MTDH: variants seen among roughly 807,000 people sequenced by gnomAD.
MTDH encodes metadherin, also known as protein LYRIC.
MTDH carries 34 observed loss-of-function variants against 72.7 expected under a neutral mutation model. The ratio of observed to expected loss-of-function variants is 0.47; its 90% CI spans 0.36 to 0.62. The LOEUF is 0.62. MTDH is among the 20% of genes least tolerant of loss of function. MTDH has a pLI of 0.00. For synonymous variants in MTDH, 266 were observed against 268.9 expected (o/e 0.99, Z 0.10); for missense variants, 677 against 699.4 (o/e 0.97, Z 0.36).
chr8:97,694,347 G>A (rs1399547409), intron 6 of MTDH, among the ~76,000 whole-genome samples: 4 of 151,902 alleles, frequency 2.6e-5, no homozygotes, highest in African/African-American at 9.7e-5. Context: ...ACAGGCGTGC[G>A]CCACCACGCC....
rs1045444 is a variant in MTDH at position 97,729,477 on chromosome 8, T to C, written c.*4807T>C. Among the ~76,000 whole-genome samples the C allele has an allele frequency of 0.41, 62,328 of 151,944 alleles. 13,710 individuals carry two copies. Among genetic ancestry groups the C allele is most frequent in the East Asian group, 0.63 (3,243 of 5,154 alleles). On this transcript the variant is annotated 3_prime_UTR_variant, in exon 12 of 12. Transcript: ENST00000336273. The stretch of plus-strand genomic sequence containing the variant: ...ACATTTTGAGATTCTGTTAGGAAGA[T>C]GAGAATTGGATAATGGGCACCTCTA...
chr8:97,661,928 AAAAAAAG>A (rs1382342007), intron 2 of MTDH, among the ~76,000 whole-genome samples: 2 of 151,590 alleles, frequency 1.3e-5, no homozygotes, highest in Non-Finnish European at 2.9e-5. Context: ...CAAAAAAAAA[AAAAAAAG>A]AAAAAAGATA....
chr8:97,670,338 G>C (rs1042284254), intron 2 of MTDH, among the ~76,000 whole-genome samples: 2 of 151,804 alleles, frequency 1.3e-5, no homozygotes, highest in Admixed American at 6.6e-5. Flanking sequence ...CAAAACAAAA[G>C]ACCAGCTTGG....
At chr8:97,653,928 T>C (rs1202835959) in intron 1 of MTDH, among the ~76,000 whole-genome samples, 1 of 152,196 alleles carries the variant, frequency 6.6e-6, no homozygotes, top group Non-Finnish European at 1.5e-5. Context: ...TTTGTAGTCC[T>C]TATCATACCC....
At chr8:97,712,007 TTATAA>T (rs1219024241) in intron 8 of MTDH, among the ~76,000 whole-genome samples, 3 of 152,208 alleles carry the variant, frequency 2.0e-5, no homozygotes, top group East Asian at 1.9e-4. Context: ...ATTAATGGAA[TTATAA>T]TATATATAAC....
intron 2 of MTDH, among the ~76,000 whole-genome samples, chr8:97,663,883 T>TA (rs1401343760): frequency 6.6e-6 from 1 of 152,196 alleles, no homozygotes; most frequent in Non-Finnish European, 1.5e-5. Context: ...AGGCTTATGT[T>TA]ACCTGAGCTA....
At chr8:97,711,916 G>A (rs1288831700) in intron 8 of MTDH, among the ~76,000 whole-genome samples, 1 of 152,220 alleles carries the variant, frequency 6.6e-6, no homozygotes, top group South Asian at 2.1e-4. Context: ...CTGCAAATAA[G>A]GGGGAACTAC....
At chr8:97,720,177 C>T (rs1312743052) in intron 10 of MTDH, among the ~76,000 whole-genome samples, 1 of 152,022 alleles carries the variant, frequency 6.6e-6, no homozygotes, top group African/African-American at 2.4e-5. Flanking sequence ...CCCAGCTACC[C>T]AAGAGGCTGA....
intron 1 of MTDH, among the ~76,000 whole-genome samples, chr8:97,648,068 A>G (rs1394340566): frequency 6.6e-6 from 1 of 152,124 alleles, no homozygotes; most frequent in Non-Finnish European, 1.5e-5. Context: ...TTTCATTTGT[A>G]GAGTAAATAG....
intron 1 of MTDH, among the ~76,000 whole-genome samples, chr8:97,646,110 T>C (rs754686396): frequency 1.2e-4 from 18 of 152,184 alleles, no homozygotes; most frequent in Non-Finnish European, 1.9e-4. Context: ...AGGAGACATT[T>C]CACTGGAGGG....
chr8:97,697,130 A>AAAAAAAAAAAAAAAAAAAATTT (rs1813874804), intron 6 of MTDH, among the ~76,000 whole-genome samples: 1 of 93,394 alleles, frequency 1.1e-5, no homozygotes, highest in Non-Finnish European at 1.9e-5. Context: ...AAAAAAAAAA[A>AAAAAAAAAAAAAAAAAAAATTT]TATATATATA....
Position 97,713,421 on chromosome 8 carries a change from C to T in MTDH, c.1273-241C>T, listed in dbSNP as rs183359729. The stretch of plus-strand genomic sequence containing the variant: ...TTAAAACACTAAAGTTTACACAGCT[C>T]TCTACTTAGGTTGTAGTGAGTGATG... On this transcript the variant is annotated intron_variant, in intron 8 of 11. Transcript: ENST00000336273. 1.4e-3 allele frequency among the ~76,000 whole-genome samples: 206 copies of T among 152,262 alleles called. 2 individuals are homozygous for T. Among genetic ancestry groups the T allele is most frequent in the South Asian group, 3.9e-3 (19 of 4,812 alleles).
At chr8:97,697,799 A>G (rs1813930239) in intron 6 of MTDH, among the ~76,000 whole-genome samples, 1 of 152,128 alleles carries the variant, frequency 6.6e-6, no homozygotes, top group South Asian at 2.1e-4. Flanking sequence ...CTCTGGTCTC[A>G]TAGACTACAT....
In MTDH at chr8:97,725,563, A is replaced by T. The variant is rs1318501765; in HGVS notation, c.*893A>T. On this transcript the variant is annotated 3_prime_UTR_variant, in exon 12 of 12. Transcript: ENST00000336273. Reference sequence around the variant, plus strand: ...ATGAAATCATTCACAAACTTTTGGTATATGATGGAGAATGAAAAACTAGAG... The same window carrying T: ...ATGAAATCATTCACAAACTTTTGGTTTATGATGGAGAATGAAAAACTAGAG... The T allele has an allele frequency of 6.5e-6, 1 of 152,704 alleles. No individual in the cohort carries two copies. Among genetic ancestry groups the T allele is most frequent in the Non-Finnish European group, 1.5e-5 (1 of 68,028 alleles). The allele number at this position is 152,704 out of a possible 1,614,324, so 9.5% of individuals were successfully genotyped here. A position where few individuals can be genotyped will look rare whatever the true frequency, so the allele number is the denominator to read the frequency against.
At chr8:97,684,283 C>T (rs891403565) in intron 2 of MTDH, among the ~76,000 whole-genome samples, 2 of 151,980 alleles carry the variant, frequency 1.3e-5, no homozygotes, top group Non-Finnish European at 2.9e-5. Flanking sequence ...GTTGAAATGA[C>T]AGTATTATAG....
chr8:97,706,525 A>C (rs1814359891), intron 7 of MTDH, 101 bp from the exon 8 acceptor site: 1 of 1,162,154 alleles, frequency 8.6e-7, no homozygotes, highest in Non-Finnish European at 1.2e-6. Flanking sequence ...CAGAACAATA[A>C]CTTAAAATTA....
At chr8:97,698,054 G>A (rs990739318) in intron 6 of MTDH, among the ~76,000 whole-genome samples, 5 of 152,160 alleles carry the variant, frequency 3.3e-5, no homozygotes, top group African/African-American at 7.2e-5. Flanking sequence ...CATATAGAGA[G>A]AGTATATCAA....
chr8:97,710,290 C>CT (rs1231605513), intron 8 of MTDH, among the ~76,000 whole-genome samples: 2 of 152,164 alleles, frequency 1.3e-5, no homozygotes, highest in Admixed American at 1.3e-4. Context: ...AGAATCATCT[C>CT]TTCCTGTAAA....
chr8:97,657,276 G>T (rs1203707251), intron 1 of MTDH, among the ~76,000 whole-genome samples: 1 of 152,078 alleles, frequency 6.6e-6, no homozygotes, highest in Admixed American at 6.5e-5. Flanking sequence ...TTCTGTTACT[G>T]GTTGATTTTC....
Sources: allele counts gnomAD v4.1 joint callset (sites outside exome capture counted in the v4.1 genomes callset), GRCh38; gene constraint gnomAD v4.1.1; transcripts MANE v1.5; gene names NCBI Gene and HGNC (gene_info 2026-07-23, HGNC 2026-07-21).